Variants in XKR6 observed in about 807,000 individuals in gnomAD.
XKR6 encodes XK related 6, also known as XK-related protein 6.
Under a neutral mutation model 56.7 loss-of-function variants are expected in XKR6, and 22 were observed. The observed-to-expected ratio is 0.39, with a 90% CI of 0.28 to 0.55. XKR6 has a LOEUF of 0.55. Among genes scored for constraint, XKR6 ranks in the 20% least tolerant of loss-of-function variants. The probability of loss-of-function intolerance (pLI) is 0.66; values close to 1 mark genes in which losing one functional copy is unlikely to be tolerated. For synonymous variants in XKR6, 524 were observed against 387.8 expected (o/e 1.35, Z -4.13); for missense variants, 852 against 889.0 (o/e 0.96, Z 0.53).
chr8:10,912,418 C>A (rs889783861), intron 2 of XKR6, among the ~76,000 whole-genome samples: 7 of 91,838 alleles, frequency 7.6e-5, no homozygotes, highest in Admixed American at 1.4e-4. Flanking sequence ...AGAGAGTGAG[C>A]ATATATATAT....
chr8:11,168,420 A>G (rs549186495), intron 1 of XKR6, among the ~76,000 whole-genome samples: 1 of 152,226 alleles, frequency 6.6e-6, no homozygotes, highest in African/African-American at 2.4e-5. Flanking sequence ...TGACACAACT[A>G]AAGTGAGACG....
intron 1 of XKR6, among the ~76,000 whole-genome samples, chr8:11,006,668 T>G (rs541619648): frequency 1.3e-5 from 2 of 152,212 alleles, no homozygotes; most frequent in African/African-American, 4.8e-5. Flanking sequence ...GCAGAGGGAA[T>G]AGCATGTGCA....
chr8:11,093,315 A>G (rs1234823665), intron 1 of XKR6, among the ~76,000 whole-genome samples: 2 of 152,198 alleles, frequency 1.3e-5, no homozygotes, highest in Non-Finnish European at 2.9e-5. Context: ...TCGGCCTCCC[A>G]AAGTGCTGAG....
At chr8:11,120,586 A>C (rs1184271021) in intron 1 of XKR6, among the ~76,000 whole-genome samples, 2 of 152,150 alleles carry the variant, frequency 1.3e-5, no homozygotes, top group African/African-American at 4.8e-5. Context: ...AGGAAGAATC[A>C]ATATCGTGAA....
chr8:10,997,632 C>CCT (rs971659375), intron 1 of XKR6, among the ~76,000 whole-genome samples: 6 of 152,156 alleles, frequency 3.9e-5, no homozygotes, highest in African/African-American at 1.4e-4. Flanking sequence ...GAGTCATGAG[C>CCT]CTCTGCAGGA....
intron 2 of XKR6, among the ~76,000 whole-genome samples, chr8:10,904,206 C>G (rs912051356): frequency 2.0e-4 from 30 of 152,128 alleles, no homozygotes; most frequent in African/African-American, 6.8e-4. Flanking sequence ...CAGGAGGCAG[C>G]GCTGGCAGCA....
chr8:11,077,106 G>T (rs1800293924), intron 1 of XKR6, among the ~76,000 whole-genome samples: 1 of 152,162 alleles, frequency 6.6e-6, no homozygotes, highest in African/African-American at 2.4e-5. Flanking sequence ...AGCCTCAGGA[G>T]TTTGAGGCTA....
chr8:10,977,562 T>C (rs1006362617), intron 1 of XKR6, among the ~76,000 whole-genome samples: 5 of 150,464 alleles, frequency 3.3e-5, no homozygotes, highest in African/African-American at 7.3e-5. Context: ...CCCATTAGCA[T>C]GAGCCATCTT....
rs540641994 is a variant in XKR6, at chr8:11,018,631, C to T, written c.765-93801G>A. Among the ~76,000 whole-genome samples the T allele has an allele frequency of 2.0e-5, 3 of 152,324 alleles. No homozygotes were observed. In the South Asian group the frequency reaches 6.2e-4, roughly 32 times the overall value. On this transcript the variant is annotated intron_variant, in intron 1 of 2. Coordinates refer to ENST00000416569, the MANE Select transcript of XKR6 (RefSeq NM_173683.4). ...TTCTTCTAGGCCATCTTTGAGAATG[C>T]ACTTGGGAGGGATGGATCCTTATTT... is the stretch of plus-strand genomic sequence containing the variant.
chr8:11,113,912 G>A (rs1485607911), intron 1 of XKR6: 4 of 242,032 alleles, frequency 1.7e-5, no homozygotes, highest in Admixed American at 1.1e-4. Flanking sequence ...TCTTGAAGAG[G>A]AAGGAACTGG....
intron 1 of XKR6, among the ~76,000 whole-genome samples, chr8:11,154,468 T>G (rs1801413688): frequency 6.6e-6 from 1 of 152,224 alleles, no homozygotes; most frequent in Non-Finnish European, 1.5e-5. Flanking sequence ...TCCTTTGGCT[T>G]CCTTTGATCT....
intron 1 of XKR6, among the ~76,000 whole-genome samples, chr8:11,149,552 A>T (rs1422178324): frequency 6.6e-6 from 1 of 152,164 alleles, no homozygotes; most frequent in African/African-American, 2.4e-5. Context: ...CTTTTGTAAT[A>T]TGAAAAAAAT....
At chr8:10,931,351 C>T (rs1801044656) in intron 1 of XKR6, among the ~76,000 whole-genome samples, 1 of 152,042 alleles carries the variant, frequency 6.6e-6, no homozygotes, top group Admixed American at 6.6e-5. Context: ...GACAATTGCC[C>T]TCAAATTAAT....
At chr8:11,046,642 A>C (rs1276748430) in intron 1 of XKR6, among the ~76,000 whole-genome samples, 1 of 152,236 alleles carries the variant, frequency 6.6e-6, no homozygotes, top group Non-Finnish European at 1.5e-5. Flanking sequence ...ATGCTACAAC[A>C]TGATAAACCT....
chr8:11,069,769 C>T lies in XKR6; in HGVS notation c.764+130807G>A, dbSNP rs190711966. On this transcript the variant is annotated intron_variant, in intron 1 of 2. Coordinates refer to ENST00000416569, the MANE Select transcript of XKR6 (RefSeq NM_173683.4). ...CAGAGCCTCCAGAGCCTTCAGTGCA[C>T]TACTGTGCAACTGGATTTCCAAGAA... is the stretch of plus-strand genomic sequence containing the variant. Among the ~76,000 whole-genome samples, 30 of 152,288 alleles carry T rather than the reference C, an allele frequency of 2.0e-4. 1 individual carries two copies. The highest frequency in any genetic ancestry group is 5.2e-4 in the Admixed American group (8 of 15,306).
chr8:10,936,286 A>G (rs1261586059), intron 1 of XKR6, among the ~76,000 whole-genome samples: 8 of 148,234 alleles, frequency 5.4e-5, no homozygotes, highest in African/African-American at 2.0e-4. Flanking sequence ...TTTTGAGCCT[A>G]TGTGTGTCTC....
chr8:10,926,017 G>A (rs745790592), intron 1 of XKR6, among the ~76,000 whole-genome samples: 9 of 152,162 alleles, frequency 5.9e-5, no homozygotes, highest in Non-Finnish European at 1.0e-4. Flanking sequence ...AGCGGCAGTG[G>A]GAGAGAACCA....
chr8:10,939,688 G>A (rs919768136), intron 1 of XKR6, among the ~76,000 whole-genome samples: 3 of 152,246 alleles, frequency 2.0e-5, no homozygotes, highest in African/African-American at 4.8e-5. Context: ...TAAGTCGCTG[G>A]GTTCTTGAAA....
At chr8:10,949,909 G>T (rs565538045) in intron 1 of XKR6, among the ~76,000 whole-genome samples, 29 of 152,104 alleles carry the variant, frequency 1.9e-4, no homozygotes, top group Middle Eastern at 3.2e-3. Context: ...AGCCCGGCCT[G>T]TCTTGACTCA....
Sources: allele counts gnomAD v4.1 joint callset (sites outside exome capture counted in the v4.1 genomes callset), GRCh38; gene constraint gnomAD v4.1.1; transcripts MANE v1.5; gene names NCBI Gene and HGNC (gene_info 2026-07-23, HGNC 2026-07-21).